CEMIP: variants seen among roughly 807,000 people sequenced by gnomAD.
CEMIP encodes cell migration inducing hyaluronidase 1, also known as cell migration-inducing and hyaluronan-binding protein.
CEMIP carries 105 observed loss-of-function variants against 156.9 expected under a neutral mutation model. The ratio of observed to expected loss-of-function variants is 0.67; its 90% CI spans 0.57 to 0.79. The LOEUF is 0.79. Ranked by LOEUF, CEMIP falls within the 30% of genes least tolerant of loss-of-function variation. CEMIP has a pLI of 0.00. For synonymous variants in CEMIP, 676 were observed against 668.4 expected, an observed-to-expected ratio of 1.01 and a Z score of -0.17; for missense variants, 1,457 against 1,769.4, an observed-to-expected ratio of 0.82 and a Z score of 3.17.
At chr15:80,896,157 A>G (rs1899216773) in intron 12 of CEMIP, 97 bp downstream of exon 12, 1 of 1,229,626 alleles carries the variant, frequency 8.1e-7, no homozygotes, top group Non-Finnish European at 1.2e-6. Flanking sequence ...TCAGTCAGCT[A>G]TGGCTGTAAT....
At chr15:80,899,420 A>G (rs553818450) in intron 12 of CEMIP, among the ~76,000 whole-genome samples, 3 of 152,312 alleles carry the variant, frequency 2.0e-5, no homozygotes, top group South Asian at 4.1e-4. Flanking sequence ...AACTGCTATC[A>G]AAGTGGAATA....
intron 1 of CEMIP, among the ~76,000 whole-genome samples, chr15:80,847,003 TAGA>T (rs1482466749): frequency 6.6e-6 from 1 of 152,218 alleles, no homozygotes; most frequent in African/African-American, 2.4e-5. Flanking sequence ...TTGTGTATTT[TAGA>T]AGTTCTCCAG....
rs1899936197 is a variant in CEMIP, at chr15:80,909,142, A to G, written c.1633A>G (p.Lys545Glu). 1 of 1,614,150 alleles carries G rather than the reference A, an allele frequency of 6.2e-7. No individual in the cohort carries two copies. The highest frequency in any genetic ancestry group is 2.2e-5 in the East Asian group (1 of 44,868). The part of the protein sequence containing the change: ...KAAHLEGTEL[K>E]HMGQQLVGQY... The stretch of plus-strand genomic sequence containing the variant: ...AGCACACTTGGAGGGCACGGAGCTG[A>G]AGCATATGGGACAGCAGCTGGTGGG... Residue 545 changes from lysine to glutamate, a missense_variant, in exon 14 of 30, where the codon AAG (lysine) becomes GAG (glutamate). This residue lies in a region of CEMIP where 53 missense variants were observed against 104.5 expected (regional missense o/e 0.51). Coordinates refer to ENST00000394685, the MANE Select transcript of CEMIP (RefSeq NM_001293298.2).
At chr15:80,922,379 A>G (rs1338644810) in intron 17 of CEMIP, among the ~76,000 whole-genome samples, 1 of 152,236 alleles carries the variant, frequency 6.6e-6, no homozygotes, top group African/African-American at 2.4e-5. Context: ...CAGAGCCAAA[A>G]GGAGCAAGTT....
intron 1 of CEMIP, among the ~76,000 whole-genome samples, chr15:80,848,782 C>A (rs1897628302): frequency 6.6e-6 from 1 of 151,988 alleles, no homozygotes; most frequent in South Asian, 2.1e-4. Context: ...GGTGCAGCTG[C>A]CCAAGAGGGG....
At position 80,927,038 on chromosome 15, in the gene CEMIP, C is replaced by T. The variant is rs554802595; in HGVS notation, c.2420+1283C>T. On this transcript the variant is annotated intron_variant, in intron 19 of 29. Transcript: ENST00000394685. ...TAGAGACGGGGTTTCACCACATTGG[C>T]CAGGCTGGTCGCAAGCTCCTGACCT... is the stretch of plus-strand genomic sequence containing the variant. Among the ~76,000 whole-genome samples, 16 of 152,314 alleles carry T rather than the reference C, an allele frequency of 1.1e-4. No homozygotes were observed. The East Asian group carries it at 1.9e-3, about 18-fold the overall frequency.
intron 7 of CEMIP, 42 bp from the exon 8 acceptor site, chr15:80,887,652 C>A: frequency 1.3e-6 from 2 of 1,491,700 alleles, no homozygotes; most frequent in South Asian, 2.3e-5. Context: ...GGTACAGACT[C>A]GTGCAGAACT....
intron 1 of CEMIP, among the ~76,000 whole-genome samples, chr15:80,864,528 C>T (rs1405005121): frequency 2.0e-5 from 3 of 152,208 alleles, no homozygotes; most frequent in Admixed American, 6.5e-5. Context: ...CGGGCCGGCC[C>T]GTGTACCACA....
intron 1 of CEMIP, among the ~76,000 whole-genome samples, chr15:80,845,354 C>A (rs1897527262): frequency 6.6e-6 from 1 of 152,078 alleles, no homozygotes; most frequent in Non-Finnish European, 1.5e-5. Flanking sequence ...TCTCTTGAGC[C>A]TGGGAGGTCA....
At chr15:80,922,333 G>T (rs1194418764) in intron 17 of CEMIP, among the ~76,000 whole-genome samples, 196 bp downstream of exon 17, 3 of 152,244 alleles carry the variant, frequency 2.0e-5, no homozygotes, top group Non-Finnish European at 4.4e-5. Context: ...AATCTCCTGT[G>T]GTGGTTCCTG....
In CEMIP at chr15:80,921,133, G is replaced by A. The variant is rs535919943; in HGVS notation, c.2073+32G>A. 3 of 1,596,064 alleles carry A rather than the reference G, an allele frequency of 1.9e-6. No homozygotes were observed. In the South Asian group the frequency reaches 3.3e-5, roughly 18 times the overall value. ...AGAAATATTCCTTCTTTGGCAGAAA[G>A]TGAGGGTGGGGGCTGGAGTCAGGGA... is the stretch of plus-strand genomic sequence containing the variant. On this transcript the variant is annotated intron_variant, in intron 16 of 29. Coordinates refer to ENST00000394685, the MANE Select transcript of CEMIP (RefSeq NM_001293298.2).
At chr15:80,921,149 G>C (rs1446062673) in intron 16 of CEMIP, 48 bp downstream of exon 16, 3 of 1,530,926 alleles carry the variant, frequency 2.0e-6, no homozygotes, top group African/African-American at 2.7e-5. Flanking sequence ...GTGGGGGCTG[G>C]AGTCAGGGAG....
chr15:80,883,844 A>C (rs1207361750), intron 6 of CEMIP, among the ~76,000 whole-genome samples: 64 of 152,182 alleles, frequency 4.2e-4, no homozygotes, highest in Admixed American at 4.2e-3. Flanking sequence ...CCAGGATGAA[A>C]GGGGAACATC....
chr15:80,945,902 A>G (rs1448492224), intron 28 of CEMIP, among the ~76,000 whole-genome samples: 2 of 152,036 alleles, frequency 1.3e-5, no homozygotes, highest in East Asian at 3.9e-4. Flanking sequence ...GGGGATAGAC[A>G]CTCCTTATTC....
Position 80,873,935 on chromosome 15 carries a change from G to C in CEMIP, c.56G>C (p.Trp19Ser). ...TTCAAGGCCATGCTGACCATCAGCTGGCTCACTCTGACCTGCTTCCCTGGG... is the reference window on the plus strand; with the variant it reads ...TTCAAGGCCATGCTGACCATCAGCTCGCTCACTCTGACCTGCTTCCCTGGG... ...FLFKAMLTIS[W>S]LTLTCFPGAT... is the part of the protein sequence containing the mutation. Residue 19 changes from tryptophan (W) to serine (S), a missense_variant, in exon 3 of 30, where the codon TGG becomes TCG. This residue lies in a region of CEMIP where 309 missense variants were observed against 340.8 expected (regional missense o/e 0.91). Coordinates refer to ENST00000394685, the MANE Select transcript of CEMIP (RefSeq NM_001293298.2). 1 of 1,576,024 alleles carries C rather than the reference G, an allele frequency of 6.3e-7. No homozygotes were observed. The highest frequency in any genetic ancestry group is 2.3e-5 in the East Asian group (1 of 43,806).
At chr15:80,938,474 G>A (rs565510783) in intron 25 of CEMIP, among the ~76,000 whole-genome samples, 51 of 152,244 alleles carry the variant, frequency 3.3e-4, no homozygotes, top group South Asian at 2.5e-3. Context: ...GCATGGTGGC[G>A]CGTGCCTGTA....
intron 1 of CEMIP, among the ~76,000 whole-genome samples, chr15:80,833,484 G>A (rs1897201237): frequency 1.3e-5 from 2 of 152,086 alleles, no homozygotes; most frequent in South Asian, 4.2e-4. Flanking sequence ...TTCCTCCAAA[G>A]GAATCAGGTT....
chr15:80,901,015 T>C, intron 12 of CEMIP: 1 of 451,308 alleles, frequency 2.2e-6, no homozygotes, highest in East Asian at 7.0e-5. Context: ...GCATGAATCA[T>C]CTAAAAAAAA....
At position 80,839,615 on chromosome 15, in the gene CEMIP, T is replaced by G. The variant is rs372527875; in HGVS notation, c.-175-33923T>G. ...AAAGGCAACACTGTGCTTGCCTTTG[T>G]GGCTAACAGGGGCTGTGCTGCAAAT... On this transcript the variant is annotated intron_variant, in intron 1 of 29. Coordinates refer to ENST00000394685, the MANE Select transcript of CEMIP (RefSeq NM_001293298.2). 4.1e-3 allele frequency among the ~76,000 whole-genome samples: 616 copies of G among 151,312 alleles called. 1 individual carries two copies. Among genetic ancestry groups the G allele is most frequent in the Non-Finnish European group, 6.6e-3 (447 of 68,000 alleles).
Sources: allele counts gnomAD v4.1 joint callset (sites outside exome capture counted in the v4.1 genomes callset), GRCh38; gene constraint gnomAD v4.1.1; regional missense constraint gnomAD v4.1.1; transcripts MANE v1.5; gene names NCBI Gene and HGNC (gene_info 2026-07-23, HGNC 2026-07-21).